Variants in DCC observed in about 807,000 individuals in gnomAD.
DCC encodes the protein netrin receptor DCC.
A neutral mutation model predicts 172.5 loss-of-function variants in DCC; 58 were observed. The ratio of observed to expected loss-of-function variants is 0.34; its 90% CI spans 0.27 to 0.42. DCC has a LOEUF of 0.42. Ranked by LOEUF, DCC falls within the 10% of genes least tolerant of loss-of-function variation. DCC has a pLI of 1.00. For synonymous variants in DCC, 709 were observed against 644.5 expected, an observed-to-expected ratio of 1.10 and a Z score of -1.52; for missense variants, 1,740 against 1,791.0, an observed-to-expected ratio of 0.97 and a Z score of 0.51.
At chr18:53,271,760 G>A (rs1598969617) in intron 12 of DCC, among the ~76,000 whole-genome samples, 2 of 152,064 alleles carry the variant, frequency 1.3e-5, no homozygotes, top group South Asian at 2.1e-4. Context: ...ATGGGGAGGG[G>A]ATTACACAAG....
chr18:53,025,470 G>A (rs1443337005), intron 5 of DCC, among the ~76,000 whole-genome samples: 1 of 152,052 alleles, frequency 6.6e-6, no homozygotes, highest in Non-Finnish European at 1.5e-5. Flanking sequence ...ATTTGTTAAA[G>A]GCTGATGTAA....
At chr18:53,427,533 G>A (rs968151269) in intron 21 of DCC, among the ~76,000 whole-genome samples, 1 of 151,372 alleles carries the variant, frequency 6.6e-6, no homozygotes, top group African/African-American at 2.4e-5. Flanking sequence ...GTGATCAGGA[G>A]CAGCTGACAA....
intron 1 of DCC, among the ~76,000 whole-genome samples, chr18:52,443,067 A>C (rs1372347203): frequency 6.6e-6 from 1 of 152,204 alleles, no homozygotes; most frequent in East Asian, 1.9e-4. Flanking sequence ...TAATAATTAA[A>C]AACTTTAAGT....
At chr18:53,404,598 G>A (rs992852165) in intron 19 of DCC, among the ~76,000 whole-genome samples, 1 of 151,982 alleles carries the variant, frequency 6.6e-6, no homozygotes. Flanking sequence ...GGGCGTGGTG[G>A]TGGGCACCTG....
At chr18:52,831,739 C>T (rs62083314) in intron 2 of DCC, among the ~76,000 whole-genome samples, 45,684 of 151,962 alleles carry the variant, frequency 0.3, 8,238 homozygotes, top group Non-Finnish European at 0.42. Flanking sequence ...CAAGTTTCAA[C>T]ATTTAAGTGA....
intron 2 of DCC, among the ~76,000 whole-genome samples, chr18:52,774,462 C>T (rs1056812727): frequency 1.7e-4 from 26 of 152,162 alleles, no homozygotes; most frequent in Non-Finnish European, 2.9e-4. Context: ...CATCTTCTTC[C>T]CTGTTTACTT....
At chr18:52,913,236 C>T (rs2039996069) in intron 3 of DCC, among the ~76,000 whole-genome samples, 1 of 152,066 alleles carries the variant, frequency 6.6e-6, no homozygotes, top group Non-Finnish European at 1.5e-5. Flanking sequence ...CAGTCTTTCA[C>T]ATGGAGCTGA....
chr18:53,492,968 C>T (rs1179783550), intron 26 of DCC, among the ~76,000 whole-genome samples: 1 of 152,088 alleles, frequency 6.6e-6, no homozygotes, highest in African/African-American at 2.4e-5. Context: ...GAATATTTTT[C>T]CATTTGTTTG....
At chr18:53,204,233 G>A (rs62099235) in intron 9 of DCC, among the ~76,000 whole-genome samples, 55,998 of 151,672 alleles carry the variant, frequency 0.37, 11,128 homozygotes, top group Non-Finnish European at 0.44. Flanking sequence ...TCTAAAATCT[G>A]AAAGTTTCAA....
chr18:53,518,172 G>C (rs1170798572), intron 27 of DCC, among the ~76,000 whole-genome samples: 1 of 152,078 alleles, frequency 6.6e-6, no homozygotes. Context: ...ATTTCATTTT[G>C]TCTGGCATCA....
intron 7 of DCC, among the ~76,000 whole-genome samples, chr18:53,077,885 C>T (rs1328981042): frequency 1.3e-5 from 2 of 152,120 alleles, no homozygotes; most frequent in African/African-American, 4.8e-5. Flanking sequence ...TTTTTAAAGT[C>T]TAGGATTCTG....
rs755034828 is a variant in DCC, at chr18:53,086,585, CCTTCTT to C, written c.1261+20444_1261+20449del. ...CTTCTTCTTCTTCTTTCTTCTTCTT[CCTTCTT>C]CTTCTTCTTCTTCTTCTTCTTCTTT... On this transcript the variant is annotated intron_variant, in intron 7 of 28. Transcript: ENST00000442544. 1.2e-3 allele frequency among the ~76,000 whole-genome samples: 43 copies of C among 35,168 alleles called. 12 individuals are homozygous for C. The highest frequency in any genetic ancestry group is 5.0e-3 in the African/African-American group (18 of 3,590). 23.1% of individuals were successfully genotyped at this position (35,168 alleles called of 152,430 possible).
intron 1 of DCC, among the ~76,000 whole-genome samples, chr18:52,397,386 T>C (rs1332166415): frequency 6.6e-6 from 1 of 152,042 alleles, no homozygotes; most frequent in Non-Finnish European, 1.5e-5. Context: ...AAATCTTCCC[T>C]AGAGCAGGTC....
intron 12 of DCC, among the ~76,000 whole-genome samples, chr18:53,288,901 G>A (rs1048778103): frequency 1.3e-5 from 2 of 152,116 alleles, no homozygotes; most frequent in African/African-American, 4.8e-5. Context: ...TGTTGAATGA[G>A]TCTGTGATTT....
chr18:52,790,448 C>A (rs2037740202), intron 2 of DCC, among the ~76,000 whole-genome samples: 1 of 152,096 alleles, frequency 6.6e-6, no homozygotes, highest in African/African-American at 2.4e-5. Flanking sequence ...AGGCCAAAAG[C>A]CTGAATGGTA....
chr18:52,581,211 A>AG (rs2033543282), intron 1 of DCC, among the ~76,000 whole-genome samples: 1 of 1,510 alleles, frequency 6.6e-4, no homozygotes, highest in East Asian at 0.042. Flanking sequence ...ATCTATCTAA[A>AG]TTTGTAGTTT....
At chr18:53,319,940 C>T (rs140074842) in intron 13 of DCC, among the ~76,000 whole-genome samples, 14 of 152,218 alleles carry the variant, frequency 9.2e-5, no homozygotes, top group African/African-American at 3.4e-4. Flanking sequence ...GTGCTGTAGC[C>T]ACCTAAGTTG....
At chr18:53,127,774 G>A (rs563376335) in intron 7 of DCC, among the ~76,000 whole-genome samples, 7 of 152,220 alleles carry the variant, frequency 4.6e-5, no homozygotes, top group Non-Finnish European at 8.8e-5. Flanking sequence ...CTCACAAGCT[G>A]CACAGTGAAA....
At chr18:52,781,888 G>A (rs2037551394) in intron 2 of DCC, among the ~76,000 whole-genome samples, 1 of 151,982 alleles carries the variant, frequency 6.6e-6, no homozygotes, top group Non-Finnish European at 1.5e-5. Context: ...TATACTACCA[G>A]GGCATATTTT....
Sources: allele counts gnomAD v4.1 joint callset (sites outside exome capture counted in the v4.1 genomes callset), GRCh38; gene constraint gnomAD v4.1.1; transcripts MANE v1.5; gene names NCBI Gene and HGNC (gene_info 2026-07-23, HGNC 2026-07-21).